The following DPM1 variants were observed in gnomAD, a reference collection of about 807,000 sequenced individuals.
DPM1 encodes the protein dolichyl-phosphate mannosyltransferase subunit 1, catalytic, also known as dolichol-phosphate mannosyltransferase subunit 1.
Under a neutral mutation model 39.0 loss-of-function variants are expected in DPM1, and 27 were observed. The observed-to-expected ratio is 0.69, with a 90% CI of 0.51 to 0.95. The LOEUF (loss-of-function observed/expected upper bound fraction) is 0.95. Among genes scored for constraint, DPM1 ranks in the 40% least tolerant of loss-of-function variants. The probability of loss-of-function intolerance (pLI) is 0.00; values close to 1 mark genes in which losing one functional copy is unlikely to be tolerated. For missense variants in DPM1, 307 were observed against 315.6 expected (o/e 0.97, Z 0.21); for synonymous variants, 124 against 109.0 (o/e 1.14, Z -0.86).
chr20:50,953,286 C>T (rs908189238), intron 2 of DPM1, among the ~76,000 whole-genome samples: 2 of 152,152 alleles, frequency 1.3e-5, no homozygotes, highest in African/African-American at 4.8e-5. Context: ...ATGACCTAAC[C>T]TCTCGCTTCA....
At chr20:50,954,172 CTTTT>C (rs34921841) in intron 2 of DPM1, among the ~76,000 whole-genome samples, 1 of 151,714 alleles carries the variant, frequency 6.6e-6, no homozygotes, top group Non-Finnish European at 1.5e-5. Flanking sequence ...GACTGAGTGG[CTTTT>C]TTTTAAAATG....
intron 2 of DPM1, among the ~76,000 whole-genome samples, chr20:50,954,861 A>G (rs1300482124): frequency 6.6e-6 from 1 of 152,226 alleles, no homozygotes; most frequent in Admixed American, 6.5e-5. Context: ...CACACTACCA[A>G]TTATAACCCA....
At position 50,945,773 on chromosome 20, in the gene DPM1, A is replaced by T. The variant is rs750138754; in HGVS notation, c.373-11T>A. 1 of 1,605,534 alleles carries T rather than the reference A, an allele frequency of 6.2e-7. No individual in the cohort carries two copies. The highest frequency in any genetic ancestry group is 1.1e-5 in the South Asian group (1 of 90,880). On this transcript the variant is annotated splice_polypyrimidine_tract_variant and intron_variant, in intron 4 of 8. Transcript: ENST00000371588. ...AGGAATAAATTTTGGCTGAAATTTG[A>T]AAAGAATAAACAGTAAGTCAGTAAA... is the stretch of plus-strand genomic sequence containing the variant.
intron 1 of DPM1, among the ~76,000 whole-genome samples, chr20:50,956,248 C>G (rs895363114): frequency 6.6e-6 from 1 of 152,182 alleles, no homozygotes. Flanking sequence ...CAACACAATA[C>G]TTGGTGGATA....
intron 7 of DPM1, among the ~76,000 whole-genome samples, chr20:50,938,669 C>T (rs973711854): frequency 2.5e-4 from 38 of 149,744 alleles, no homozygotes; most frequent in East Asian, 1.0e-3. Context: ...CGTGAGCCAC[C>T]GCGCCCAGCC....
At chr20:50,942,008 G>GT (rs1205779741) in intron 6 of DPM1, 23 bp downstream of exon 6, 2 of 1,569,696 alleles carry the variant, frequency 1.3e-6, no homozygotes, top group African/African-American at 1.4e-5. Flanking sequence ...TACTAATAAA[G>GT]AAGTTGTAAC....
At chr20:50,957,003 A>G (rs903099923) in intron 1 of DPM1, among the ~76,000 whole-genome samples, 1 of 152,228 alleles carries the variant, frequency 6.6e-6, no homozygotes, top group African/African-American at 2.4e-5. Flanking sequence ...TGTACTACAT[A>G]AAAAAATTAA....
intron 5 of DPM1, among the ~76,000 whole-genome samples, chr20:50,942,858 G>C (rs1402647329): frequency 1.3e-5 from 2 of 152,134 alleles, no homozygotes; most frequent in Non-Finnish European, 2.9e-5. Flanking sequence ...AGTACATTTT[G>C]TGACCTGGTT....
chr20:50,958,159 A>C lies in DPM1; in HGVS notation c.161+204T>G, dbSNP rs1986936477. ...GATAAATGAGAGTCTCACAAAACCC[A>C]AGGGCAGGAATGAGAACCCAGGACA... On this transcript the variant is annotated intron_variant, in intron 1 of 8. Coordinates refer to ENST00000371588, the MANE Select transcript of DPM1 (RefSeq NM_003859.3). Among the ~76,000 whole-genome samples the C allele has an allele frequency of 1.3e-5, 2 of 152,202 alleles. 1 individual carries two copies. The highest frequency in any genetic ancestry group is 4.1e-4 in the South Asian group (2 of 4,834).
rs777976660 is a variant in DPM1 at position 50,958,346 on chromosome 20, G to A, written c.161+17C>T. 4.3e-5 allele frequency: 69 copies of A among 1,612,048 alleles called. No homozygotes were observed. The highest frequency in any genetic ancestry group is 5.7e-5 in the Non-Finnish European group (67 of 1,179,996). ...CAGCTCATCTCATTCTTCGGGGAGG[G>A]AGACCTGGTGCGCTACCTCTCGGAG... On this transcript the variant is annotated intron_variant, in intron 1 of 8. Transcript: ENST00000371588.
chr20:50,941,050 T>C, intron 6 of DPM1, 117 bp from the exon 7 acceptor site: 2 of 1,079,310 alleles, frequency 1.9e-6, no homozygotes, highest in Non-Finnish European at 2.7e-6. Flanking sequence ...ATTAATTTCA[T>C]AAAAATGTTA....
At chr20:50,955,720 C>CGG (rs940328675) in intron 1 of DPM1, among the ~76,000 whole-genome samples, 12 of 152,078 alleles carry the variant, frequency 7.9e-5, no homozygotes, top group Non-Finnish European at 1.8e-4. Flanking sequence ...CCCACCACCA[C>CGG]GCCCGGCTAA....
chr20:50,935,243 TAA>T lies in DPM1; in HGVS notation c.679-9_679-8del, dbSNP rs11483542. Reference sequence around the variant, plus strand: ...CCACAAATGATATTGGAACCTAGTTTAAAAAAAAAAAAGTAACGTTAGTCTTT... The same window carrying T: ...CCACAAATGATATTGGAACCTAGTTTAAAAAAAAAAGTAACGTTAGTCTTT... On this transcript the variant is annotated splice_polypyrimidine_tract_variant and splice_region_variant and intron_variant, in intron 8 of 8. Transcript: ENST00000371588. The T allele has an allele frequency of 1.2e-4, 164 of 1,374,052 alleles. No individual in the cohort carries two copies. Among genetic ancestry groups the T allele is most frequent in the Middle Eastern group, 1.9e-4 (1 of 5,208 alleles). The allele number at this position is 1,374,052 out of a possible 1,614,324, so 85.1% of individuals were successfully genotyped here.
chr20:50,946,150 T>C (rs765898462), intron 3 of DPM1, among the ~76,000 whole-genome samples: 4 of 152,176 alleles, frequency 2.6e-5, no homozygotes, highest in Non-Finnish European at 5.9e-5. Flanking sequence ...TTTAATACAA[T>C]AGATCATACC....
At chr20:50,949,718 C>A (rs1240108100) in intron 2 of DPM1, among the ~76,000 whole-genome samples, 1 of 151,946 alleles carries the variant, frequency 6.6e-6, no homozygotes, top group African/African-American at 2.4e-5. Context: ...CAGGTTGCCT[C>A]TGACTGCAAA....
intron 3 of DPM1, among the ~76,000 whole-genome samples, 169 bp downstream of exon 3, chr20:50,948,460 T>C (rs984616317): frequency 9.9e-5 from 15 of 152,208 alleles, no homozygotes; most frequent in Admixed American, 7.9e-4. Context: ...GAGTGGGTCT[T>C]GACTTATACA....
chr20:50,936,260 A>T lies in DPM1; in HGVS notation c.566T>A (p.Leu189Ter). The T allele has an allele frequency of 6.3e-7, 1 of 1,577,172 alleles. No homozygotes were observed. Among genetic ancestry groups the T allele is most frequent in the South Asian group, 1.1e-5 (1 of 90,176 alleles). The change falls in exon 8 of 9, where the codon TTA becomes TAA. Residue 189 changes from leucine (L) to a stop codon, truncating the protein, a stop_gained and splice_region_variant. Transcript: ENST00000371588. LOFTEE classifies it high-confidence loss of function. ...TTTCTCTAGAACTTCTTTTCGGTATAATCTGTAAGAAATTAAAAATATATA... is the reference window on the plus strand; with the variant it reads ...TTTCTCTAGAACTTCTTTTCGGTATTATCTGTAAGAAATTAAAAATATATA... Reference protein sequence around the residue: ...GASDLTGSFRLYRKEVLEKLI... With the variant: ...GASDLTGSFR
intron 1 of DPM1, among the ~76,000 whole-genome samples, chr20:50,957,571 G>A (rs1247464848): frequency 6.6e-6 from 1 of 152,122 alleles, no homozygotes; most frequent in African/African-American, 2.4e-5. Flanking sequence ...ACAACCAAAA[G>A]GCGCTGGAAA....
At chr20:50,953,167 G>A (rs1204522390) in intron 2 of DPM1, among the ~76,000 whole-genome samples, 1 of 152,198 alleles carries the variant, frequency 6.6e-6, no homozygotes, top group Non-Finnish European at 1.5e-5. Context: ...TCAACACAGA[G>A]CAGTTGAAGT....
Sources: gnomAD v4.1 joint callset for allele counts (sites outside exome capture counted in the v4.1 genomes callset) on GRCh38, gnomAD v4.1.1 for gene constraint, MANE v1.5 for transcripts, NCBI Gene and HGNC (gene_info 2026-07-23, HGNC 2026-07-21) for gene names.